Variants in PIGN observed in about 807,000 individuals in gnomAD.
PIGN encodes the protein phosphatidylinositol glycan anchor biosynthesis class N.
A neutral mutation model predicts 125.4 loss-of-function variants in PIGN; 117 were observed. The ratio of observed to expected loss-of-function variants is 0.93; its 90% CI spans 0.80 to 1.09. The LOEUF (loss-of-function observed/expected upper bound fraction) is 1.09. Among genes scored for constraint, PIGN ranks in the 50% least tolerant of loss-of-function variants. PIGN has a pLI of 0.00. For missense variants in PIGN, 1,075 were observed against 1,094.9 expected (o/e 0.98, Z 0.26); for synonymous variants, 392 against 377.8 (o/e 1.04, Z -0.44).
At chr18:62,066,107 T>G (rs531703622) in intron 30 of PIGN, among the ~76,000 whole-genome samples, 1 of 152,332 alleles carries the variant, frequency 6.6e-6, no homozygotes, top group Admixed American at 6.5e-5. Context: ...CTAACAATAG[T>G]CTTCATGTCA....
At chr18:62,065,587 A>C (rs1228643638) in intron 30 of PIGN, among the ~76,000 whole-genome samples, 3 of 151,890 alleles carry the variant, frequency 2.0e-5, no homozygotes, top group African/African-American at 7.2e-5. Context: ...AAATACAAAA[A>C]AATTAGCCGG....
chr18:62,107,010 G>C lies in PIGN; in HGVS notation c.1650C>G (p.Ala550=). The C allele has an allele frequency of 2.5e-5, 39 of 1,587,956 alleles. No homozygotes were observed. Among genetic ancestry groups the C allele is most frequent in the Non-Finnish European group, 3.3e-5 (39 of 1,166,348 alleles). The change falls in exon 18 of 31, where the codon GCC becomes GCG. Residue 550 remains alanine (A), a synonymous_variant. Coordinates refer to ENST00000640252, the MANE Select transcript of PIGN (RefSeq NM_176787.5). ...CTAATACTTCAATTCCCAGGGTAAA[G>C]GCTAACAGGTACCCAACAAAATGGC... ...PLSHFVGYLL[A]FTLGIEVLVL...
chr18:62,121,070 T>C (rs571609205), intron 14 of PIGN, among the ~76,000 whole-genome samples: 1 of 152,292 alleles, frequency 6.6e-6, no homozygotes, highest in South Asian at 2.1e-4. Flanking sequence ...AGTCCAGGCA[T>C]TGACTTTAAG....
chr18:62,130,962 GAAT>G (rs1297870729), intron 14 of PIGN, among the ~76,000 whole-genome samples: 1 of 152,094 alleles, frequency 6.6e-6, no homozygotes, highest in Non-Finnish European at 1.5e-5. Flanking sequence ...GTGAATAAAT[GAAT>G]AATATTTTTC....
chr18:62,143,387 T>C lies in PIGN; in HGVS notation c.923-41A>G. ...AGACACAAGATCTGATGTTAAGATT[T>C]AAAAAAGAATAAATCATTTGATTTT... On this transcript the variant is annotated intron_variant, in intron 10 of 30. Transcript: ENST00000640252. The C allele has an allele frequency of 3.3e-6, 4 of 1,212,700 alleles. 1 individual carries two copies. The South Asian group carries it at 5.2e-5, about 16-fold the overall frequency. The allele number at this position is 1,212,700 out of a possible 1,614,324, so 75.1% of individuals were successfully genotyped here.
At chr18:62,066,351 C>G (rs2032520975) in intron 30 of PIGN, among the ~76,000 whole-genome samples, 1 of 152,172 alleles carries the variant, frequency 6.6e-6, no homozygotes, top group Non-Finnish European at 1.5e-5. Context: ...CTTAGGGCCA[C>G]AGTGTCCTCA....
At chr18:62,027,437 A>G (rs537425222) in intron 23 of PIGN, among the ~76,000 whole-genome samples, 2 of 152,282 alleles carry the variant, frequency 1.3e-5, no homozygotes, top group African/African-American at 4.8e-5. Context: ...TTTTAGGGAG[A>G]CATGAGACAC....
At chr18:62,177,695 T>C (rs1400117559) in intron 1 of PIGN, among the ~76,000 whole-genome samples, 2 of 152,192 alleles carry the variant, frequency 1.3e-5, no homozygotes, top group Non-Finnish European at 2.9e-5. Flanking sequence ...TTTTGAAGGG[T>C]TCAGCCTTTT....
chr18:62,088,441 G>T (rs548610768), intron 25 of PIGN: 1 of 166,598 alleles, frequency 6.0e-6, no homozygotes, highest in African/African-American at 2.4e-5. Context: ...GATTGAAGTC[G>T]GGAGTTGAAA....
intron 14 of PIGN, chr18:62,135,629 T>C (rs976847500): frequency 1.4e-5 from 2 of 145,256 alleles, no homozygotes; most frequent in African/African-American, 2.6e-5. Context: ...CTTTTTTTTT[T>C]TTTTTTTTTT....
intron 30 of PIGN, among the ~76,000 whole-genome samples, chr18:62,066,834 C>T (rs2032549842): frequency 6.6e-6 from 1 of 152,096 alleles, no homozygotes; most frequent in Non-Finnish European, 1.5e-5. Flanking sequence ...ACATTCACTC[C>T]TTCTAATTAT....
chr18:62,071,998 A>G (rs1351926253), intron 30 of PIGN, among the ~76,000 whole-genome samples: 2 of 147,108 alleles, frequency 1.4e-5, no homozygotes, highest in Non-Finnish European at 3.0e-5. Flanking sequence ...CATGCATGTT[A>G]TTGCCTGTGA....
At chr18:62,018,582 A>C (rs889697864) in intron 23 of PIGN, among the ~76,000 whole-genome samples, 2 of 152,030 alleles carry the variant, frequency 1.3e-5, no homozygotes, top group African/African-American at 4.8e-5. Flanking sequence ...ACATACCTTT[A>C]CCTTGTGCTG....
intron 23 of PIGN, among the ~76,000 whole-genome samples, chr18:62,094,394 CT>C (rs2034091694): frequency 1.6e-4 from 24 of 152,244 alleles, no homozygotes; most frequent in Admixed American, 1.4e-3. Context: ...TTTCTGGACG[CT>C]TTCAAACATT....
chr18:62,110,024 T>G (rs2034814076), intron 16 of PIGN, 51 bp from the exon 17 acceptor site: 1 of 1,579,192 alleles, frequency 6.3e-7, no homozygotes, highest in African/African-American at 1.4e-5. Flanking sequence ...TGGTAATTGA[T>G]AGGTTTTAAA....
chr18:62,102,421 A>G (rs939845981), intron 21 of PIGN, among the ~76,000 whole-genome samples: 4 of 150,834 alleles, frequency 2.7e-5, no homozygotes, highest in African/African-American at 9.8e-5. Flanking sequence ...GAAGTCTTAA[A>G]CTGGCTATTC....
chr18:62,098,302 C>G (rs1171692069), intron 22 of PIGN, among the ~76,000 whole-genome samples: 2 of 152,144 alleles, frequency 1.3e-5, no homozygotes, highest in Non-Finnish European at 1.5e-5. Flanking sequence ...TAGCTTCTGA[C>G]TTTTTTTCCA....
At position 62,041,893 on chromosome 18, in the gene PIGN, T is replaced by C. The variant is rs909928138; in HGVS notation, c.*3963A>G. The stretch of plus-strand genomic sequence containing the variant: ...TCTAAGACAGGGTCTGCTGTCAAGC[T>C]AGTGGAAACTTTTGGCATAATGCTA... On this transcript the variant is annotated 3_prime_UTR_variant, in exon 31 of 31. Transcript: ENST00000640252. 6.6e-5 allele frequency: 10 copies of C among 152,148 alleles called. No homozygotes were observed. The highest frequency in any genetic ancestry group is 2.4e-4 in the African/African-American group (10 of 41,414). The allele number at this position is 152,148 out of a possible 1,614,324, so 9.4% of individuals were successfully genotyped here. A position where few individuals can be genotyped will look rare whatever the true frequency, so the allele number is the denominator to read the frequency against.
At chr18:62,036,512 G>A (rs2030263079), downstream of PIGN, among the ~76,000 whole-genome samples, 2 of 152,144 alleles carry the variant, frequency 1.3e-5, no homozygotes, top group South Asian at 2.1e-4. Context: ...CATGTGAACC[G>A]TGGATTATGT....
Sources: gnomAD v4.1 joint callset for allele counts (sites outside exome capture counted in the v4.1 genomes callset) on GRCh38, gnomAD v4.1.1 for gene constraint, MANE v1.5 for transcripts, NCBI Gene and HGNC (gene_info 2026-07-23, HGNC 2026-07-21) for gene names.